The following PCSK6 variants were observed in gnomAD, a reference collection of about 807,000 sequenced individuals.
PCSK6 encodes proprotein convertase subtilisin/kexin type 6, also known as paired basic amino acid cleaving enzyme 4.
PCSK6 carries 85 observed loss-of-function variants against 123.3 expected under a neutral mutation model. The ratio of observed to expected loss-of-function variants is 0.69; its 90% CI spans 0.58 to 0.83. The LOEUF is 0.83. Among genes scored for constraint, PCSK6 ranks in the 40% least tolerant of loss-of-function variants. The pLI, the probability that PCSK6 is intolerant of heterozygous loss-of-function variation, is 0.00. For missense variants in PCSK6, 1,191 were observed against 1,282.3 expected (o/e 0.93, Z 1.09); for synonymous variants, 508 against 516.0 (o/e 0.98, Z 0.21).
intron 1 of PCSK6, among the ~76,000 whole-genome samples, chr15:101,445,518 C>T (rs2056866098): frequency 6.6e-6 from 1 of 152,188 alleles, no homozygotes; most frequent in Non-Finnish European, 1.5e-5. Context: ...TGCTCACAAG[C>T]ACTTTTATTT....
At chr15:101,482,680 C>T (rs561069966) in intron 1 of PCSK6, among the ~76,000 whole-genome samples, 1 of 152,310 alleles carries the variant, frequency 6.6e-6, no homozygotes, top group East Asian at 1.9e-4. Flanking sequence ...CCTCCCCCAG[C>T]CCATCGACAG....
intron 1 of PCSK6, among the ~76,000 whole-genome samples, chr15:101,456,645 C>T (rs1215303889): frequency 6.6e-6 from 1 of 152,198 alleles, no homozygotes; most frequent in Non-Finnish European, 1.5e-5. Flanking sequence ...GAGGGCATAA[C>T]AAGGAACGGC....
chr15:101,370,575 C>T (rs965838549), intron 11 of PCSK6, 52 bp from the exon 12 acceptor site: 4 of 1,383,512 alleles, frequency 2.9e-6, no homozygotes, highest in South Asian at 1.7e-5. Context: ...TGAAGTCTCA[C>T]CCACACAGCC....
At chr15:101,476,459 C>G (rs1369843276) in intron 1 of PCSK6, among the ~76,000 whole-genome samples, 1 of 150,016 alleles carries the variant, frequency 6.7e-6, no homozygotes, top group Non-Finnish European at 1.5e-5. Flanking sequence ...AGGTAGGTCT[C>G]TATGTACGAG....
intron 6 of PCSK6, among the ~76,000 whole-genome samples, chr15:101,413,455 A>G (rs1394286714): frequency 1.4e-5 from 2 of 147,986 alleles, no homozygotes; most frequent in Admixed American, 6.7e-5. Context: ...AGTAACCCAC[A>G]GGAAGGCAGG....
chr15:101,313,209 C>T (rs1251142244), intron 20 of PCSK6, 167 bp downstream of exon 20: 3 of 1,534,062 alleles, frequency 2.0e-6, no homozygotes, highest in Non-Finnish European at 2.6e-6. Flanking sequence ...ATCCAGTGAA[C>T]AAAGGGACGA....
chr15:101,414,655 T>C (rs533428883), intron 6 of PCSK6, among the ~76,000 whole-genome samples: 1 of 152,032 alleles, frequency 6.6e-6, no homozygotes, highest in South Asian at 2.1e-4. Flanking sequence ...AGATTTAGAA[T>C]GTAAAAATTT....
rs2041593017 is a variant in PCSK6 at position 101,371,724 on chromosome 15, C to T, written c.1533-1201G>A. 1.1e-4 allele frequency among the ~76,000 whole-genome samples: 16 copies of T among 152,222 alleles called. No homozygotes were observed. In the South Asian group the frequency reaches 3.3e-3, roughly 32 times the overall value. On this transcript the variant is annotated intron_variant, in intron 11 of 21. Transcript: ENST00000611716. ...CCTCTGCCTCCAGGCCTCACTGCCT[C>T]CGCCTCCAGGCCTCGCTGCCTCGAA...
At chr15:101,411,154 T>C (rs2055668126) in intron 6 of PCSK6, among the ~76,000 whole-genome samples, 1 of 152,130 alleles carries the variant, frequency 6.6e-6, no homozygotes, top group African/African-American at 2.4e-5. Flanking sequence ...GGGCATCAGG[T>C]AGCAGCAGGA....
chr15:101,482,147 C>T (rs768446019), intron 1 of PCSK6, among the ~76,000 whole-genome samples: 7 of 152,254 alleles, frequency 4.6e-5, no homozygotes, highest in South Asian at 2.1e-4. Context: ...GAAGCAGGTA[C>T]GAGGTGACAG....
In PCSK6 at chr15:101,370,430, CA is replaced by C; in HGVS notation, c.1625del (p.Val542GlyfsTer48). 6.4e-7 allele frequency: 1 copy of C among 1,552,112 alleles called. No homozygotes were observed. Among genetic ancestry groups the C allele is most frequent in the Non-Finnish European group, 8.7e-7 (1 of 1,147,220 alleles). The stretch of plus-strand genomic sequence containing the variant: ...GGTGTGAGATGGAGGTGCGAACCAC[CA>C]CGTGCTCCAAGTAGACCACCCGCTG... The part of the protein sequence containing the change: ...SDQRVVYLEH[V>X]VVRTSISHPR... On this transcript the variant is annotated frameshift_variant, in exon 12 of 22. Coordinates refer to ENST00000611716, the MANE Select transcript of PCSK6 (RefSeq NM_002570.5). LOFTEE classifies it high-confidence loss of function.
intron 1 of PCSK6, among the ~76,000 whole-genome samples, chr15:101,458,237 G>C (rs2057241469): frequency 6.6e-6 from 1 of 152,226 alleles, no homozygotes; most frequent in African/African-American, 2.4e-5. Flanking sequence ...AGGTTGGTGG[G>C]CACAGGTCGT....
chr15:101,407,469 T>G (rs111236140), intron 6 of PCSK6, among the ~76,000 whole-genome samples: 9,637 of 151,826 alleles, frequency 0.063, 347 homozygotes, highest in Middle Eastern at 0.075. Context: ...CCATCAGGAG[T>G]GTGCTTTTCA....
intron 15 of PCSK6, among the ~76,000 whole-genome samples, chr15:101,329,325 G>A (rs542616729): frequency 2.3e-4 from 35 of 152,370 alleles, no homozygotes; most frequent in African/African-American, 7.7e-4. Flanking sequence ...GGACAGGAGA[G>A]TTTGGTATCA....
intron 13 of PCSK6, among the ~76,000 whole-genome samples, chr15:101,362,124 CT>C (rs1227556390): frequency 1.3e-5 from 2 of 151,936 alleles, no homozygotes; most frequent in Non-Finnish European, 2.9e-5. Context: ...GCCTGGTTAA[CT>C]TTTTGTATTG....
chr15:101,404,356 G>C (rs2141596593), intron 6 of PCSK6, among the ~76,000 whole-genome samples: 1 of 152,282 alleles, frequency 6.6e-6, no homozygotes. Flanking sequence ...GTCCTTTCTG[G>C]GTGGAGAGGA....
In PCSK6 at chr15:101,430,008, T is replaced by TA; in HGVS notation, c.712dup (p.Tyr238LeufsTer2). On this transcript the variant is annotated frameshift_variant, in exon 5 of 22. Coordinates refer to ENST00000611716, the MANE Select transcript of PCSK6 (RefSeq NM_002570.5). LOFTEE classifies it high-confidence loss of function. ...GTACTTATTTTCATTGCTGGCATCA[T>TA]ATCGTGGAGATGGGTCATAATCATT... 1.2e-6 allele frequency: 2 copies of TA among 1,613,810 alleles called. No individual in the cohort carries two copies. The highest frequency in any genetic ancestry group is 1.7e-6 in the Non-Finnish European group (2 of 1,179,710).
intron 6 of PCSK6, among the ~76,000 whole-genome samples, chr15:101,400,642 G>A (rs1466929187): frequency 6.6e-6 from 1 of 152,186 alleles, no homozygotes; most frequent in African/African-American, 2.4e-5. Flanking sequence ...GTAGAATCCT[G>A]CTGTCCCATC....
chr15:101,350,154 C>A (rs2141408141), intron 13 of PCSK6, among the ~76,000 whole-genome samples: 1 of 152,264 alleles, frequency 6.6e-6, no homozygotes, highest in South Asian at 2.1e-4. Context: ...GATCCACCTG[C>A]CTTGGCCTCT....
Sources: allele counts gnomAD v4.1 joint callset (sites outside exome capture counted in the v4.1 genomes callset), GRCh38; gene constraint gnomAD v4.1.1; transcripts MANE v1.5; gene names NCBI Gene and HGNC (gene_info 2026-07-23, HGNC 2026-07-21).